The following PRMT8 variants were observed in gnomAD, a reference collection of about 807,000 sequenced individuals.
PRMT8 encodes protein arginine methyltransferase 8, also known as protein arginine N-methyltransferase 8.
In PRMT8, 7 loss-of-function variants were observed where a neutral mutation model predicts 47.1. That is an observed-to-expected ratio of 0.15 (90% confidence interval 0.08 to 0.28). PRMT8 has a LOEUF of 0.28. PRMT8 is among the 10% of genes least tolerant of loss of function. The pLI is 1.00. For synonymous variants in PRMT8, 188 were observed against 186.5 expected (o/e 1.01, Z -0.07); for missense variants, 237 against 505.4 (o/e 0.47, Z 5.09).
chr12:3,472,416 A>C (rs1565416344), intron 1 of PRMT8, among the ~76,000 whole-genome samples: 1 of 152,224 alleles, frequency 6.6e-6, no homozygotes, highest in Non-Finnish European at 1.5e-5. Context: ...GCAGCCCTTC[A>C]CTGAAGGCAG....
At position 3,580,941 on chromosome 12, in the gene PRMT8, A is replaced by T. The variant is rs1199289169; in HGVS notation, c.829-2117A>T. 2.0e-5 allele frequency among the ~76,000 whole-genome samples: 3 copies of T among 152,212 alleles called. No homozygotes were observed. Among genetic ancestry groups the T allele is most frequent in the Non-Finnish European group, 4.4e-5 (3 of 68,030 alleles). On this transcript the variant is annotated intron_variant, in intron 7 of 9. Coordinates refer to ENST00000382622, the MANE Select transcript of PRMT8 (RefSeq NM_019854.5). The surrounding 1 kb of genome is among the most constrained non-coding windows in gnomAD (Gnocchi z 4.6). ...GTGGCTGGGAGGGATAATGAGCATT[A>T]TGAAGGCTGACATATACTCAGTCTA...
intron 1 of PRMT8, chr12:3,463,473 T>C (rs1267825391): frequency 1.3e-5 from 2 of 152,218 alleles, no homozygotes; most frequent in African/African-American, 4.8e-5. Context: ...CACTGCAGCA[T>C]AGATGGAAAA....
chr12:3,493,192 T>C lies in PRMT8; in HGVS notation c.75+1492T>C, dbSNP rs920624767. On this transcript the variant is annotated intron_variant, in intron 1 of 9. Transcript: ENST00000382622. The surrounding 1 kb of genome is among the most constrained non-coding windows in gnomAD (Gnocchi z 8.2). ...TCCTTGAGTTAGGGCAAAGCCTGCG[T>C]GCCCGCCGTCCCCTCACCACTTCCT... 3.3e-5 allele frequency among the ~76,000 whole-genome samples: 5 copies of C among 152,316 alleles called. No individual in the cohort carries two copies. The highest frequency in any genetic ancestry group is 1.2e-4 in the African/African-American group (5 of 41,578).
At chr12:3,454,503 A>G (rs1374535995) in intron 1 of PRMT8, among the ~76,000 whole-genome samples, 1 of 152,102 alleles carries the variant, frequency 6.6e-6, no homozygotes, top group Non-Finnish European at 1.5e-5. Flanking sequence ...AAACTAAACC[A>G]CAAAAGAAGC....
At chr12:3,555,096 T>A (rs1866502457) in intron 4 of PRMT8, among the ~76,000 whole-genome samples, 1 of 152,206 alleles carries the variant, frequency 6.6e-6, no homozygotes. Flanking sequence ...CAAACCACCA[T>A]GAGCCAGGCT....
chr12:3,516,851 A>C (rs1391282574), intron 1 of PRMT8, among the ~76,000 whole-genome samples: 2 of 152,042 alleles, frequency 1.3e-5, no homozygotes, highest in Non-Finnish European at 2.9e-5. Flanking sequence ...ACTTTCATCT[A>C]AAATAAGAAT....
chr12:3,572,656 T>A lies in PRMT8; in HGVS notation c.712+3092T>A, dbSNP rs1434710241. ...GCCCATTTTATGCAAGGATTCCACT[T>A]TCTTCATGAGAGCCTAAAATGTGTC... On this transcript the variant is annotated intron_variant, in intron 6 of 9. Transcript: ENST00000382622. This position sits in a 1 kb window ranked among gnomAD's most constrained non-coding sequence, Gnocchi z 5.9. 3.3e-5 allele frequency among the ~76,000 whole-genome samples: 5 copies of A among 152,220 alleles called. No homozygotes were observed. The highest frequency in any genetic ancestry group is 9.6e-5 in the African/African-American group (4 of 41,456).
rs1866438959 is a variant in PRMT8 at position 3,552,448 on chromosome 12, G to A, written c.418-1203G>A. 1 of 255,904 alleles carries A rather than the reference G, an allele frequency of 3.9e-6. No homozygotes were observed. Among genetic ancestry groups the A allele is most frequent in the South Asian group, 4.2e-5 (1 of 24,068 alleles). 15.9% of individuals were successfully genotyped at this position (255,904 alleles called of 1,614,324 possible). On this transcript the variant is annotated intron_variant, in intron 3 of 9. Transcript: ENST00000382622. The surrounding 1 kb of genome is among the most constrained non-coding windows in gnomAD (Gnocchi z 4.5). ...TGAGGCGCAGTTAGGAAGGGCAGTGGCCAGGCATAAATCCAGGCCTGGCTC... is the reference window on the plus strand; with the variant it reads ...TGAGGCGCAGTTAGGAAGGGCAGTGACCAGGCATAAATCCAGGCCTGGCTC...
At chr12:3,388,775 T>C (rs1247507721) in intron 1 of PRMT8, among the ~76,000 whole-genome samples, 1 of 152,204 alleles carries the variant, frequency 6.6e-6, no homozygotes, top group Non-Finnish European at 1.5e-5. Context: ...GACTTTCTTA[T>C]CTCGCTTGCT....
At chr12:3,524,467 C>G (rs1371840618) in intron 1 of PRMT8, among the ~76,000 whole-genome samples, 2 of 151,974 alleles carry the variant, frequency 1.3e-5, no homozygotes, top group Non-Finnish European at 2.9e-5. Context: ...TTGCCCTCAC[C>G]CGAACCAAAG....
At chr12:3,589,920 G>T (rs577655146) in intron 8 of PRMT8, among the ~76,000 whole-genome samples, 2 of 152,174 alleles carry the variant, frequency 1.3e-5, no homozygotes, top group Non-Finnish European at 2.9e-5. Context: ...AGAGACACCT[G>T]TCTGAGCTGG....
At chr12:3,495,264 G>T (rs1362702749) in intron 1 of PRMT8, among the ~76,000 whole-genome samples, 1 of 152,176 alleles carries the variant, frequency 6.6e-6, no homozygotes, top group East Asian at 1.9e-4. Context: ...TCATGATCAG[G>T]CATCTCTTTA....
chr12:3,505,016 C>A (rs1865596573), intron 1 of PRMT8, among the ~76,000 whole-genome samples: 2 of 131,812 alleles, frequency 1.5e-5, no homozygotes, highest in East Asian at 2.2e-4. Flanking sequence ...ACTCCCTGAC[C>A]CCTTGCGCTT....
intron 1 of PRMT8, among the ~76,000 whole-genome samples, chr12:3,511,115 C>T (rs1332435701): frequency 6.6e-6 from 1 of 152,056 alleles, no homozygotes; most frequent in Non-Finnish European, 1.5e-5. Context: ...GCAGATCTTA[C>T]ATTTTGCTCT....
At chr12:3,544,470 A>G (rs1474688558) in intron 2 of PRMT8, among the ~76,000 whole-genome samples, 1 of 152,242 alleles carries the variant, frequency 6.6e-6, no homozygotes, top group Non-Finnish European at 1.5e-5. Flanking sequence ...GGCAAGGGTT[A>G]AAGAAAGACA....
intron 1 of PRMT8, among the ~76,000 whole-genome samples, chr12:3,424,887 C>T (rs1004488138): frequency 4.6e-5 from 7 of 152,162 alleles, no homozygotes; most frequent in East Asian, 1.9e-4. Flanking sequence ...AAATGAGTCC[C>T]GCGATGAGTT....
Position 3,552,888 on chromosome 12 carries a change from C to G in PRMT8, c.418-763C>G, listed in dbSNP as rs1866449094. The stretch of plus-strand genomic sequence containing the variant: ...GCCAGCCTCTGTAAGAGAGCCGGCT[C>G]CGGAGGTGAGGACGGCTCTTGGCAG... On this transcript the variant is annotated intron_variant, in intron 3 of 9. Coordinates refer to ENST00000382622, the MANE Select transcript of PRMT8 (RefSeq NM_019854.5). This position sits in a 1 kb window ranked among gnomAD's most constrained non-coding sequence, Gnocchi z 4.5. 2.4e-6 allele frequency: 1 copy of G among 413,294 alleles called. No individual in the cohort carries two copies. The highest frequency in any genetic ancestry group is 7.3e-5 in the East Asian group (1 of 13,630). The allele number at this position is 413,294 out of a possible 1,614,324, so 25.6% of individuals were successfully genotyped here.
intron 1 of PRMT8, among the ~76,000 whole-genome samples, chr12:3,400,041 A>C (rs1442043455): frequency 6.6e-6 from 1 of 152,222 alleles, no homozygotes; most frequent in African/African-American, 2.4e-5. Context: ...ATAGCACTAA[A>C]TACCCACATT....
At chr12:3,405,270 G>A (rs2137053162) in intron 1 of PRMT8, among the ~76,000 whole-genome samples, 1 of 152,250 alleles carries the variant, frequency 6.6e-6, no homozygotes. Flanking sequence ...CAGCATGAGG[G>A]TAATCGCCCT....
Sources: allele counts gnomAD v4.1 joint callset (sites outside exome capture counted in the v4.1 genomes callset), GRCh38; gene constraint gnomAD v4.1.1; non-coding constraint Gnocchi (gnomAD v3.1); transcripts MANE v1.5; gene names NCBI Gene and HGNC (gene_info 2026-07-23, HGNC 2026-07-21).